TRPC3: variants seen among roughly 807,000 people sequenced by gnomAD.
TRPC3 encodes the protein transient receptor potential cation channel subfamily C member 3, also known as short transient receptor potential channel 3.
TRPC3 carries 54 observed loss-of-function variants against 90.9 expected under a neutral mutation model. The ratio of observed to expected loss-of-function variants is 0.59; its 90% CI spans 0.48 to 0.75. The LOEUF (loss-of-function observed/expected upper bound fraction) is 0.75, where lower values mean the gene tolerates loss of function less well. TRPC3 is among the 30% of genes least tolerant of loss of function. The probability of loss-of-function intolerance (pLI) is 0.00; values close to 1 mark genes in which losing one functional copy is unlikely to be tolerated. For synonymous variants in TRPC3, 424 were observed against 450.9 expected (o/e 0.94, Z 0.75); for missense variants, 918 against 1,194.5 (o/e 0.77, Z 3.41).
At chr4:121,942,678 G>A (rs1219176639) in intron 1 of TRPC3, among the ~76,000 whole-genome samples, 1 of 152,186 alleles carries the variant, frequency 6.6e-6, no homozygotes, top group Non-Finnish European at 1.5e-5. Flanking sequence ...TGTATTTAAG[G>A]AGAGGAACCC....
At chr4:121,904,555 A>C in intron 7 of TRPC3, 38 bp from the exon 8 acceptor site, 1 of 1,452,094 alleles carries the variant, frequency 6.9e-7, no homozygotes, top group Non-Finnish European at 9.2e-7. Flanking sequence ...GTAAGTTAAC[A>C]GTTTTCAATA....
At chr4:121,948,648 C>T (rs1730574640) in intron 1 of TRPC3, among the ~76,000 whole-genome samples, 1 of 152,136 alleles carries the variant, frequency 6.6e-6, no homozygotes, top group Non-Finnish European at 1.5e-5. Flanking sequence ...ATCTATGTTC[C>T]AACCAAACTC....
In TRPC3 at chr4:121,902,832, G is replaced by A; in HGVS notation, c.2463+20C>T. 1 of 1,537,008 alleles carries A rather than the reference G, an allele frequency of 6.5e-7. No homozygotes were observed. The highest frequency in any genetic ancestry group is 8.8e-7 in the Non-Finnish European group (1 of 1,132,988). Reference sequence around the variant, plus strand: ...GACAGAACATTTATTTTAAGGTCTTGGTAAGTTTTCGATACCTACCCTGGA... The same window carrying A: ...GACAGAACATTTATTTTAAGGTCTTAGTAAGTTTTCGATACCTACCCTGGA... On this transcript the variant is annotated intron_variant, in intron 9 of 11. Coordinates refer to ENST00000379645, the MANE Select transcript of TRPC3 (RefSeq NM_001130698.2).
chr4:121,919,645 G>C (rs1449611843), intron 3 of TRPC3, among the ~76,000 whole-genome samples: 1 of 152,110 alleles, frequency 6.6e-6, no homozygotes, highest in Non-Finnish European at 1.5e-5. Context: ...TTAATTCTGG[G>C]CTTCCCCTGC....
intron 1 of TRPC3, chr4:121,950,402 G>C (rs1467922225): frequency 6.6e-6 from 1 of 152,294 alleles, no homozygotes; most frequent in African/African-American, 2.4e-5. Flanking sequence ...CCACCTCCCC[G>C]GCTCAGCCGG....
chr4:121,920,023 T>C (rs188951931), intron 3 of TRPC3, among the ~76,000 whole-genome samples: 6,325 of 152,200 alleles, frequency 0.042, 450 homozygotes, highest in African/African-American at 0.14. Context: ...AGACTTTTGG[T>C]GGGGGGCAAA....
At chr4:121,880,452 G>A (rs533589255) in intron 11 of TRPC3, among the ~76,000 whole-genome samples, 4 of 152,256 alleles carry the variant, frequency 2.6e-5, no homozygotes, top group East Asian at 3.9e-4. Flanking sequence ...GGACTAATGC[G>A]TAAGGAAGTA....
chr4:121,905,429 A>G (rs1230510983), intron 7 of TRPC3, among the ~76,000 whole-genome samples: 1 of 152,128 alleles, frequency 6.6e-6, no homozygotes, highest in Non-Finnish European at 1.5e-5. Context: ...CCCTTAATTT[A>G]TATAATGTAC....
intron 3 of TRPC3, among the ~76,000 whole-genome samples, chr4:121,924,320 C>T (rs1257863592): frequency 6.6e-6 from 1 of 152,162 alleles, no homozygotes; most frequent in African/African-American, 2.4e-5. Context: ...TAACAGTTTA[C>T]AGAGTGCTTT....
intron 6 of TRPC3, 82 bp downstream of exon 6, chr4:121,910,072 T>C: frequency 9.6e-7 from 1 of 1,046,116 alleles, no homozygotes; most frequent in South Asian, 1.4e-5. Flanking sequence ...ATACTAAACA[T>C]ACTCCAATTG....
intron 4 of TRPC3, 31 bp downstream of exon 4, chr4:121,914,749 C>T (rs927078962): frequency 1.9e-5 from 30 of 1,565,470 alleles, no homozygotes; most frequent in Non-Finnish European, 2.6e-5. Context: ...AGTACACCAC[C>T]ACAGAGGAAA....
At chr4:121,889,194 G>C (rs1728234846) in intron 10 of TRPC3, among the ~76,000 whole-genome samples, 1 of 152,104 alleles carries the variant, frequency 6.6e-6, no homozygotes, top group African/African-American at 2.4e-5. Context: ...AAAACTACTA[G>C]AAGAAAACAG....
intron 9 of TRPC3, 105 bp downstream of exon 9, chr4:121,902,747 A>G (rs1728744302): frequency 1.2e-6 from 1 of 842,680 alleles, no homozygotes; most frequent in Non-Finnish European, 1.8e-6. Context: ...GTTACTTTTA[A>G]CATCTTCTAA....
At chr4:121,923,028 GGTA>G (rs1560707877) in intron 3 of TRPC3, among the ~76,000 whole-genome samples, 1 of 152,250 alleles carries the variant, frequency 6.6e-6, no homozygotes, top group East Asian at 1.9e-4. Context: ...TCTACATTGT[GGTA>G]GTAGAATTAT....
At chr4:121,906,504 A>G (rs1728886977) in intron 7 of TRPC3, among the ~76,000 whole-genome samples, 1 of 152,134 alleles carries the variant, frequency 6.6e-6, no homozygotes, top group Non-Finnish European at 1.5e-5. Flanking sequence ...TATATTAACT[A>G]TTAAAAAATT....
intron 1 of TRPC3, among the ~76,000 whole-genome samples, chr4:121,936,905 C>T (rs1290655981): frequency 6.6e-6 from 1 of 152,280 alleles, no homozygotes; most frequent in Middle Eastern, 3.4e-3. Context: ...AATGAAGACA[C>T]TGACAATACA....
At position 121,932,962 on chromosome 4, in the gene TRPC3, G is replaced by A. The variant is rs201170528; in HGVS notation, c.296C>T (p.Ala99Val). 5.0e-6 allele frequency: 8 copies of A among 1,613,146 alleles called. No homozygotes were observed. Among genetic ancestry groups the A allele is most frequent in the Non-Finnish European group, 5.9e-6 (7 of 1,179,556 alleles). The change falls in exon 2 of 12, where the codon GCC becomes GTC. Residue 99 changes from alanine (A) to valine (V), a missense_variant. By Grantham distance (64) the Ala-to-Val change is moderately conservative (BLOSUM62 0). This residue lies in a region of TRPC3 where 609 missense variants were observed against 725.9 expected (regional missense o/e 0.84). Transcript: ENST00000379645. This position sits in a 1 kb window ranked among gnomAD's most constrained non-coding sequence, Gnocchi z 7.7. ...GGTGCCGCGGTCATTGAACATGAAG[G>A]CCGGGCCCCTGACAGCCTGGCGCCG... ...KGRRQAVRGP[A>V]FMFNDRGTSL...
chr4:121,925,805 A>G lies in TRPC3; in HGVS notation c.988-599T>C, dbSNP rs144746546. Among the ~76,000 whole-genome samples the G allele has an allele frequency of 7.5e-4, 114 of 152,340 alleles. 1 individual carries two copies. Among genetic ancestry groups the G allele is most frequent in the Admixed American group, 1.2e-3 (19 of 15,308 alleles). ...TCCCATGGTACCCATGGTACCCCAT[A>G]AATATATACAATAATTATTTGTCAA... On this transcript the variant is annotated intron_variant, in intron 2 of 11. Coordinates refer to ENST00000379645, the MANE Select transcript of TRPC3 (RefSeq NM_001130698.2).
At chr4:121,913,949 T>A (rs1729203303) in intron 4 of TRPC3, among the ~76,000 whole-genome samples, 1 of 152,178 alleles carries the variant, frequency 6.6e-6, no homozygotes, top group Admixed American at 6.5e-5. Flanking sequence ...CTTGACTCAT[T>A]TTGCCTTGAA....
Sources: allele counts gnomAD v4.1 joint callset (sites outside exome capture counted in the v4.1 genomes callset), GRCh38; gene constraint gnomAD v4.1.1; regional missense constraint gnomAD v4.1.1; non-coding constraint Gnocchi (gnomAD v3.1); transcripts MANE v1.5; gene names NCBI Gene and HGNC (gene_info 2026-07-23, HGNC 2026-07-21).